Variants in DTWD1 observed in about 807,000 individuals in gnomAD.
The protein encoded by DTWD1 is tRNA-uridine aminocarboxypropyltransferase 1.
In DTWD1, 27 loss-of-function variants were observed where a neutral mutation model predicts 30.2. The observed-to-expected ratio is 0.90, with a 90% CI of 0.66 to 1.23. The LOEUF is 1.23. Among genes scored for constraint, DTWD1 ranks in the 50% most tolerant of loss-of-function variants. The pLI is 0.00. For missense variants in DTWD1, 342 were observed against 348.8 expected, an observed-to-expected ratio of 0.98 and a Z score of 0.15; for synonymous variants, 99 against 113.1, an observed-to-expected ratio of 0.88 and a Z score of 0.79.
At position 49,655,036 on chromosome 15, in the gene DTWD1, A is replaced by G. The variant is rs1162201008; in HGVS notation, c.*11458A>G. Reference sequence around the variant, plus strand: ...CTCATCATGGAGGGTCTTCAACCTCATGGCTTCTTGGAACCAAATTACTTC... The same window carrying G: ...CTCATCATGGAGGGTCTTCAACCTCGTGGCTTCTTGGAACCAAATTACTTC... On this transcript the variant is annotated 3_prime_UTR_variant, in exon 5 of 5. Transcript: ENST00000403028. The G allele has an allele frequency of 6.6e-6, 1 of 151,986 alleles. No individual in the cohort carries two copies. The allele number at this position is 151,986 out of a possible 1,614,324, so 9.4% of individuals were successfully genotyped here.
At chr15:49,628,085 CT>C (rs2078868481) in intron 2 of DTWD1, among the ~76,000 whole-genome samples, 1 of 150,256 alleles carries the variant, frequency 6.7e-6, no homozygotes, top group Non-Finnish European at 1.5e-5. Context: ...TTTATTTTTA[CT>C]TTTTAAACTT....
intron 4 of DTWD1, among the ~76,000 whole-genome samples, chr15:49,641,752 A>T (rs2079067873): frequency 6.6e-6 from 1 of 151,976 alleles, no homozygotes; most frequent in Non-Finnish European, 1.5e-5. Flanking sequence ...GACACTTGGA[A>T]GATATTATTC....
At position 49,644,964 on chromosome 15, in the gene DTWD1, A is replaced by G. The variant is rs2079107257; in HGVS notation, c.*1386A>G. On this transcript the variant is annotated 3_prime_UTR_variant, in exon 5 of 5. Transcript: ENST00000403028. ...CTGATAAATTCACCTGTTTGGGTGA[A>G]ATAATAGCACATTTCCTGAAGTATA... is the stretch of plus-strand genomic sequence containing the variant. 1 of 146,090 alleles carries G rather than the reference A, an allele frequency of 6.8e-6. No homozygotes were observed. The highest frequency in any genetic ancestry group is 1.5e-5 in the Non-Finnish European group (1 of 65,554). 9.0% of individuals were successfully genotyped at this position (146,090 alleles called of 1,614,324 possible).
At chr15:49,633,868 C>A (rs116526453) in intron 3 of DTWD1, among the ~76,000 whole-genome samples, 3 of 151,960 alleles carry the variant, frequency 2.0e-5, no homozygotes, top group African/African-American at 7.3e-5. Flanking sequence ...TAAAAATGTG[C>A]GGAAAGAAAA....
chr15:49,630,051 A>G (rs926673391), intron 2 of DTWD1: 8 of 152,202 alleles, frequency 5.3e-5, no homozygotes, highest in Non-Finnish European at 8.8e-5. Flanking sequence ...AACATGGAAG[A>G]ACCTCAAAAT....
At chr15:49,621,583 A>G (rs2153349717) in intron 1 of DTWD1, among the ~76,000 whole-genome samples, 1 of 152,312 alleles carries the variant, frequency 6.6e-6, no homozygotes, top group African/African-American at 2.4e-5. Context: ...CATAATAAGC[A>G]AAAGAGCCTG....
At position 49,637,236 on chromosome 15, in the gene DTWD1, A is replaced by G. The variant is rs140635172; in HGVS notation, c.667+2442A>G. On this transcript the variant is annotated intron_variant, in intron 4 of 4. Coordinates refer to ENST00000403028, the MANE Select transcript of DTWD1 (RefSeq NM_001144955.2). ...ATGCTATAATAAATTATAGTGTAGC[A>G]TCAATAAAGATGCTAATCTTTTTGA... Among the ~76,000 whole-genome samples the G allele has an allele frequency of 1.3e-4, 20 of 152,230 alleles. No homozygotes were observed. The East Asian group carries it at 3.9e-3, about 29-fold the overall frequency.
intron 2 of DTWD1, chr15:49,626,651 C>A: frequency 2.9e-6 from 1 of 345,506 alleles, no homozygotes; most frequent in Non-Finnish European, 6.0e-6. Flanking sequence ...TAAGTTGTAG[C>A]TATATTTTAA....
At chr15:49,638,030 C>T (rs2079023403) in intron 4 of DTWD1, among the ~76,000 whole-genome samples, 1 of 152,186 alleles carries the variant, frequency 6.6e-6, no homozygotes, top group African/African-American at 2.4e-5. Flanking sequence ...AGACAAACGC[C>T]TAAGCCCTAA....
rs975194904 is a variant in DTWD1 at position 49,644,359 on chromosome 15, T to G, written c.*781T>G. The G allele has an allele frequency of 6.6e-6, 1 of 152,126 alleles. No individual in the cohort carries two copies. The highest frequency in any genetic ancestry group is 1.5e-5 in the Non-Finnish European group (1 of 68,040). The allele number at this position is 152,126 out of a possible 1,614,324, so 9.4% of individuals were successfully genotyped here. On this transcript the variant is annotated 3_prime_UTR_variant, in exon 5 of 5. Transcript: ENST00000403028. The stretch of plus-strand genomic sequence containing the variant: ...TGCTGCCAGGTGAAAAGAGCCTGAC[T>G]TAGAATGAAGTCAGCGAAGGAAAGC...
chr15:49,625,574 C>T, intron 2 of DTWD1, 143 bp downstream of exon 2: 1 of 909,020 alleles, frequency 1.1e-6, no homozygotes, highest in Non-Finnish European at 1.6e-6. Flanking sequence ...GAAAAACTAG[C>T]ACTTAGACAG....
At chr15:49,623,602 G>C (rs956720326) in intron 1 of DTWD1, 3 of 152,102 alleles carry the variant, frequency 2.0e-5, no homozygotes, top group African/African-American at 7.2e-5. Flanking sequence ...GTCGTAGATG[G>C]ACTCTAGGAG....
rs2079135690 is a variant in DTWD1 at position 49,648,727 on chromosome 15, GA to G, written c.*5153del. On this transcript the variant is annotated 3_prime_UTR_variant, in exon 5 of 5. Transcript: ENST00000403028. Reference sequence around the variant, plus strand: ...ATTACAGAATATTTTGTTTGATGGAGAAAATTCACTGACCTGTGCTGTAATG... The same window carrying G: ...ATTACAGAATATTTTGTTTGATGGAGAAATTCACTGACCTGTGCTGTAATG... 1 of 152,144 alleles carries G rather than the reference GA, an allele frequency of 6.6e-6. No individual in the cohort carries two copies. The highest frequency in any genetic ancestry group is 1.5e-5 in the Non-Finnish European group (1 of 68,014). 9.4% of individuals were successfully genotyped at this position (152,144 alleles called of 1,614,324 possible). A position where few individuals can be genotyped will look rare whatever the true frequency, so the allele number is the denominator to read the frequency against.
intron 2 of DTWD1, among the ~76,000 whole-genome samples, chr15:49,628,028 T>C (rs959315072): frequency 1.3e-5 from 2 of 149,848 alleles, no homozygotes; most frequent in Non-Finnish European, 1.5e-5. Context: ...ACAAAAATAT[T>C]TCTTTATGCT....
rs1309857425 is a variant in DTWD1 at position 49,653,568 on chromosome 15, C to G, written c.*9990C>G. The G allele has an allele frequency of 6.6e-6, 1 of 152,090 alleles. No homozygotes were observed. The highest frequency in any genetic ancestry group is 3.2e-3 in the Middle Eastern group (1 of 316). The allele number at this position is 152,090 out of a possible 1,614,324, so 9.4% of individuals were successfully genotyped here. On this transcript the variant is annotated 3_prime_UTR_variant, in exon 5 of 5. Transcript: ENST00000403028. ...TTGAAGAATAGTGAACAAACTCTTACTGGAGGATGGGAAGGCAGTAAATAA... is the reference window on the plus strand; with the variant it reads ...TTGAAGAATAGTGAACAAACTCTTAGTGGAGGATGGGAAGGCAGTAAATAA...
At chr15:49,643,306 C>CTTTTTTTTTTTTTT (rs5812490) in intron 4 of DTWD1, 25 bp from the exon 5 acceptor site, 40 of 1,201,888 alleles carry the variant, frequency 3.3e-5, no homozygotes, top group South Asian at 2.1e-4. Context: ...TTCTTTCTTT[C>CTTTTTTTTTTTTTT]TTTTTTTTTT....
intron 3 of DTWD1, among the ~76,000 whole-genome samples, chr15:49,632,798 C>G (rs963349341): frequency 6.6e-6 from 1 of 151,960 alleles, no homozygotes; most frequent in Non-Finnish European, 1.5e-5. Flanking sequence ...TTTTTAGATT[C>G]TTAATTGGTT....
At position 49,647,510 on chromosome 15, in the gene DTWD1, G is replaced by A. The variant is rs545171439; in HGVS notation, c.*3932G>A. 79 of 152,172 alleles carry A rather than the reference G, an allele frequency of 5.2e-4. No homozygotes were observed. The highest frequency in any genetic ancestry group is 1.8e-3 in the African/African-American group (73 of 41,522). The allele number at this position is 152,172 out of a possible 1,614,324, so 9.4% of individuals were successfully genotyped here. A position where few individuals can be genotyped will look rare whatever the true frequency, so the allele number is the denominator to read the frequency against. On this transcript the variant is annotated 3_prime_UTR_variant, in exon 5 of 5. Transcript: ENST00000403028. ...AGTACAATAGATAAGGTACCTAAGA[G>A]CCTCGAAACATCACCAAATACCATG...
Position 49,654,387 on chromosome 15 carries a change from T to A in DTWD1, c.*10809T>A, listed in dbSNP as rs545232815. ...CTTCAGAGGGTAGAGTCCATTTCCT[T>A]TTCCTTTTAATCTGGATTGGCCTTC... On this transcript the variant is annotated 3_prime_UTR_variant, in exon 5 of 5. Coordinates refer to ENST00000403028, the MANE Select transcript of DTWD1 (RefSeq NM_001144955.2). The A allele has an allele frequency of 6.6e-6, 1 of 152,190 alleles. No individual in the cohort carries two copies. The highest frequency in any genetic ancestry group is 6.5e-5 in the Admixed American group (1 of 15,272). The allele number at this position is 152,190 out of a possible 1,614,324, so 9.4% of individuals were successfully genotyped here.
Sources: allele counts gnomAD v4.1 joint callset (sites outside exome capture counted in the v4.1 genomes callset), GRCh38; gene constraint gnomAD v4.1.1; transcripts MANE v1.5; gene names NCBI Gene and HGNC (gene_info 2026-07-23, HGNC 2026-07-21).